The following OR56A1 variants were observed in gnomAD, a reference collection of about 807,000 sequenced individuals.
OR56A1 encodes the protein olfactory receptor family 56 subfamily A member 1, also known as olfactory receptor 56A1.
For synonymous variants in OR56A1, 174 were observed against 159.1 expected, an observed-to-expected ratio of 1.09 and a Z score of -0.70; for missense variants, 360 against 380.9, an observed-to-expected ratio of 0.94 and a Z score of 0.46.
upstream of OR56A1, among the ~76,000 whole-genome samples, chr11:6,033,258 AG>A (rs1848529561): frequency 6.6e-6 from 1 of 151,966 alleles, no homozygotes; most frequent in Non-Finnish European, 1.5e-5. Flanking sequence ...CGAGTGAGAA[AG>A]TCTGGAACAG....
rs1021841306 is a variant in OR56A1 at position 6,022,775 on chromosome 11, C to T, written c.*3973G>A. On this transcript the variant is annotated 3_prime_UTR_variant, in exon 2 of 2. Transcript: ENST00000641900. Reference sequence around the variant, plus strand: ...CATAATCTCTCTAAAACTTAGTTTTCCTGTATGTTCAGAGTGCTAATCACA... The same window carrying T: ...CATAATCTCTCTAAAACTTAGTTTTTCTGTATGTTCAGAGTGCTAATCACA... 2 of 152,070 alleles carry T rather than the reference C, an allele frequency of 1.3e-5. No homozygotes were observed. The highest frequency in any genetic ancestry group is 2.9e-5 in the Non-Finnish European group (2 of 67,988). The allele number at this position is 152,070 out of a possible 1,614,324, so 9.4% of individuals were successfully genotyped here.
At chr11:6,034,177 C>G (rs765927363), upstream of OR56A1, 2 of 152,218 alleles carry the variant, frequency 1.3e-5, no homozygotes, top group Admixed American at 6.5e-5. Flanking sequence ...CTTCCCACCT[C>G]TCTGCCTATA....
Position 6,021,431 on chromosome 11 carries a change from T to C in OR56A1, c.*5317A>G, listed in dbSNP as rs1170155044. 1 of 152,052 alleles carries C rather than the reference T, an allele frequency of 6.6e-6. No individual in the cohort carries two copies. Among genetic ancestry groups the C allele is most frequent in the Non-Finnish European group, 1.5e-5 (1 of 67,958 alleles). The allele number at this position is 152,052 out of a possible 1,614,324, so 9.4% of individuals were successfully genotyped here. A position where few individuals can be genotyped will look rare whatever the true frequency, so the allele number is the denominator to read the frequency against. On this transcript the variant is annotated 3_prime_UTR_variant, in exon 2 of 2. Coordinates refer to ENST00000641900, the MANE Select transcript of OR56A1 (RefSeq NM_001388488.1). ...ACCCAACACAAAGTAATGATAAATG[T>C]TTGAGATGATGGATATGCTAATTAC...
In OR56A1 at chr11:6,021,518, A is replaced by G. The variant is rs947746381; in HGVS notation, c.*5230T>C. 12 of 152,070 alleles carry G rather than the reference A, an allele frequency of 7.9e-5. No homozygotes were observed. Among genetic ancestry groups the G allele is most frequent in the Admixed American group, 7.9e-4 (12 of 15,254 alleles). 9.4% of individuals were successfully genotyped at this position (152,070 alleles called of 1,614,324 possible). ...AAATATGTATAATTATTATGTATCA[A>G]TTTTAAAATGAATAATTAAATAAAA... On this transcript the variant is annotated 3_prime_UTR_variant, in exon 2 of 2. Coordinates refer to ENST00000641900, the MANE Select transcript of OR56A1 (RefSeq NM_001388488.1).
chr11:6,026,818 G>C lies in OR56A1; in HGVS notation c.875C>G (p.Pro292Arg). Residue 292 changes from proline (P) to arginine (R), a missense_variant, in exon 2 of 2, where the codon CCT (proline) becomes CGT (arginine). Physicochemically the swap from Pro to Arg is moderately radical, Grantham distance 103. Coordinates refer to ENST00000641900, the MANE Select transcript of OR56A1 (RefSeq NM_001388488.1). ...LHHLIPPALN[P>R]IVYGVRTKEI... ...TTTGGTCCGAACCCCATACACAATAGGGTTCAATGCAGGAGGAATAAGGTG... is the reference window on the plus strand; with the variant it reads ...TTTGGTCCGAACCCCATACACAATACGGTTCAATGCAGGAGGAATAAGGTG... 1.2e-6 allele frequency: 2 copies of C among 1,614,092 alleles called. No individual in the cohort carries two copies. The highest frequency in any genetic ancestry group is 1.7e-6 in the Non-Finnish European group (2 of 1,179,938).
chr11:6,026,544 A>G lies in OR56A1; in HGVS notation c.*204T>C. The G allele has an allele frequency of 1.9e-6, 1 of 523,688 alleles. No individual in the cohort carries two copies. The highest frequency in any genetic ancestry group is 3.3e-6 in the Non-Finnish European group (1 of 299,570). The allele number at this position is 523,688 out of a possible 1,614,324, so 32.4% of individuals were successfully genotyped here. Reference sequence around the variant, plus strand: ...AAATGTAACTGCCAAGGTTCAAAGCAGCCACTCAATAAATACGAGTTTCTT... The same window carrying G: ...AAATGTAACTGCCAAGGTTCAAAGCGGCCACTCAATAAATACGAGTTTCTT... On this transcript the variant is annotated 3_prime_UTR_variant, in exon 2 of 2. Coordinates refer to ENST00000641900, the MANE Select transcript of OR56A1 (RefSeq NM_001388488.1).
In OR56A1 at chr11:6,023,191, A is replaced by G. The variant is rs560830085; in HGVS notation, c.*3557T>C. On this transcript the variant is annotated 3_prime_UTR_variant, in exon 2 of 2. Coordinates refer to ENST00000641900, the MANE Select transcript of OR56A1 (RefSeq NM_001388488.1). ...AAGGGGCAATGTTGACTTGCCAACTATGAAGAGTTTGCTTAACTTCAGACG... is the reference window on the plus strand; with the variant it reads ...AAGGGGCAATGTTGACTTGCCAACTGTGAAGAGTTTGCTTAACTTCAGACG... The G allele has an allele frequency of 6.6e-6, 1 of 152,314 alleles. No individual in the cohort carries two copies. Among genetic ancestry groups the G allele is most frequent in the East Asian group, 1.9e-4 (1 of 5,180 alleles). The allele number at this position is 152,314 out of a possible 1,614,324, so 9.4% of individuals were successfully genotyped here. A position where few individuals can be genotyped will look rare whatever the true frequency, so the allele number is the denominator to read the frequency against.
rs146178966 is a variant in OR56A1 at position 6,026,654 on chromosome 11, A to T, written c.*94T>A. On this transcript the variant is annotated 3_prime_UTR_variant, in exon 2 of 2. Coordinates refer to ENST00000641900, the MANE Select transcript of OR56A1 (RefSeq NM_001388488.1). ...TAATGAAGGGAGCCTCAGTGCATGC[A>T]ATAAACACTCACTAACTGACATTTC... 76 of 776,784 alleles carry T rather than the reference A, an allele frequency of 9.8e-5. 1 individual carries two copies. The African/African-American group carries it at 1.1e-3, about 11-fold the overall frequency. 48.1% of individuals were successfully genotyped at this position (776,784 alleles called of 1,614,324 possible).
chr11:6,027,816 G>T (rs1298796306), intron 1 of OR56A1, 90 bp from the exon 2 acceptor site: 1 of 816,372 alleles, frequency 1.2e-6, no homozygotes, highest in Non-Finnish European at 1.9e-6. Context: ...CCAATGATAG[G>T]TAGTTCACTT....
upstream of OR56A1, among the ~76,000 whole-genome samples, chr11:6,032,981 G>C (rs1020958698): frequency 2.0e-5 from 3 of 152,086 alleles, no homozygotes; most frequent in East Asian, 5.8e-4. Context: ...CCATCCCTGA[G>C]GTACATCCCC....
At position 6,026,953 on chromosome 11, in the gene OR56A1, T is replaced by C; in HGVS notation, c.740A>G (p.His247Arg). The part of the protein sequence containing the change: ...AVKALSTCGS[H>R]FILILFFSTI... ...GCTGAAGAAAAGAATGAGGATGAAG[T>C]GGGAGCCACATGTGCTCAGGGCCTT... is the stretch of plus-strand genomic sequence containing the variant. The change falls in exon 2 of 2, where the codon CAC (histidine) becomes CGC (arginine). Residue 247 changes from histidine to arginine, a missense_variant. Transcript: ENST00000641900. 6.2e-7 allele frequency: 1 copy of C among 1,614,122 alleles called. No individual in the cohort carries two copies. Among genetic ancestry groups the C allele is most frequent in the Non-Finnish European group, 8.5e-7 (1 of 1,179,990 alleles).
In OR56A1 at chr11:6,027,100, T is replaced by C. The variant is rs1318043150; in HGVS notation, c.593A>G (p.Asn198Ser). Residue 198 changes from asparagine (N) to serine (S), a missense_variant, in exon 2 of 2, where the codon AAC becomes AGC. Physicochemically the swap from Asn to Ser is conservative, Grantham distance 46. Transcript: ENST00000641900. ...ACCAGCCACAAATTGGTAGATTCTG[T>C]TAAGGGTGAAATTATCACAGGAGAG... ...SRLSCDNFTL[N>S]RIYQFVAGWT... The C allele has an allele frequency of 2.5e-6, 4 of 1,614,058 alleles. No individual in the cohort carries two copies. The African/African-American group carries it at 5.3e-5, about 22-fold the overall frequency.
At position 6,026,698 on chromosome 11, in the gene OR56A1, T is replaced by TA. The variant is rs1329018560; in HGVS notation, c.*49dup. The TA allele has an allele frequency of 1.7e-6, 2 of 1,195,944 alleles. No individual in the cohort carries two copies. The highest frequency in any genetic ancestry group is 1.4e-5 in the South Asian group (1 of 70,144). 74.1% of individuals were successfully genotyped at this position (1,195,944 alleles called of 1,614,324 possible). On this transcript the variant is annotated 3_prime_UTR_variant, in exon 2 of 2. Transcript: ENST00000641900. ...ACATTTCTCTACTTCGCTGCCTAGG[T>TA]AAAATCACTGAAGAGGAAGAACAGG...
chr11:6,026,806 C>T lies in OR56A1; in HGVS notation c.887G>A (p.Gly296Glu). The T allele has an allele frequency of 1.2e-6, 2 of 1,613,896 alleles. No homozygotes were observed. Among genetic ancestry groups the T allele is most frequent in the Non-Finnish European group, 1.7e-6 (2 of 1,179,846 alleles). The change falls in exon 2 of 2, where the codon GGG (glycine) becomes GAG (glutamate). Residue 296 changes from glycine (G) to glutamate (E), a missense_variant. Physicochemically the swap from Gly to Glu is moderately conservative, Grantham distance 98. Transcript: ENST00000641900. ...IPPALNPIVY[G>E]VRTKEIKQGI... The stretch of plus-strand genomic sequence containing the variant: ...CTGTTTTATCTCTTTGGTCCGAACC[C>T]CATACACAATAGGGTTCAATGCAGG...
rs1357170140 is a variant in OR56A1, at chr11:6,022,883, A to G, written c.*3865T>C. 2.0e-5 allele frequency: 3 copies of G among 152,228 alleles called. No individual in the cohort carries two copies. In the East Asian group the frequency reaches 5.8e-4, roughly 29 times the overall value. 9.4% of individuals were successfully genotyped at this position (152,228 alleles called of 1,614,324 possible). Reference sequence around the variant, plus strand: ...ATACAGTACTCAGCCAAATGCTGATAGTGTAATATGTTATGAAACACTAAG... The same window carrying G: ...ATACAGTACTCAGCCAAATGCTGATGGTGTAATATGTTATGAAACACTAAG... On this transcript the variant is annotated 3_prime_UTR_variant, in exon 2 of 2. Coordinates refer to ENST00000641900, the MANE Select transcript of OR56A1 (RefSeq NM_001388488.1).
chr11:6,028,757 C>G (rs951027359), intron 1 of OR56A1, among the ~76,000 whole-genome samples: 1 of 152,026 alleles, frequency 6.6e-6, no homozygotes, highest in Non-Finnish European at 1.5e-5. Context: ...AATAGAACTA[C>G]CCTTACATCC....
chr11:6,025,200 A>T lies in OR56A1; in HGVS notation c.*1548T>A, dbSNP rs1848435016. 6.6e-6 allele frequency: 1 copy of T among 152,236 alleles called. No homozygotes were observed. Among genetic ancestry groups the T allele is most frequent in the Non-Finnish European group, 1.5e-5 (1 of 68,084 alleles). The allele number at this position is 152,236 out of a possible 1,614,324, so 9.4% of individuals were successfully genotyped here. ...ACAGTGCACTGCAGGGTGATGTTAT[A>T]GGTGCTCCTCAGTAGTCACAAGCTT... On this transcript the variant is annotated 3_prime_UTR_variant, in exon 2 of 2. Coordinates refer to ENST00000641900, the MANE Select transcript of OR56A1 (RefSeq NM_001388488.1).
Position 6,027,702 on chromosome 11 carries a change from C to T in OR56A1, c.-10G>A. ...TGCTGGGTGACGCCATAGGCTGAAT[C>T]ATGAGCTGAGTAGGCTTCTGATGAC... On this transcript the variant is annotated 5_prime_UTR_variant, in exon 2 of 2. The change abolishes an upstream ATG in the 5' untranslated region. Transcript: ENST00000641900. 1 of 1,568,550 alleles carries T rather than the reference C, an allele frequency of 6.4e-7. No individual in the cohort carries two copies. The highest frequency in any genetic ancestry group is 2.2e-5 in the East Asian group (1 of 44,608).
Position 6,019,984 on chromosome 11 carries a change from A to G in OR56A1, c.*6764T>C, listed in dbSNP as rs1477901579. The stretch of plus-strand genomic sequence containing the variant: ...TCAACCTCTTTCTTAAATAGGACAC[A>G]GTCTTAATTCTATTATAAGCATCCT... On this transcript the variant is annotated 3_prime_UTR_variant, in exon 2 of 2. Coordinates refer to ENST00000641900, the MANE Select transcript of OR56A1 (RefSeq NM_001388488.1). 1 of 152,134 alleles carries G rather than the reference A, an allele frequency of 6.6e-6. No homozygotes were observed. Among genetic ancestry groups the G allele is most frequent in the Non-Finnish European group, 1.5e-5 (1 of 67,996 alleles). 9.4% of individuals were successfully genotyped at this position (152,134 alleles called of 1,614,324 possible).
Sources: allele counts gnomAD v4.1 joint callset (sites outside exome capture counted in the v4.1 genomes callset), GRCh38; gene constraint gnomAD v4.1.1; transcripts MANE v1.5; gene names NCBI Gene and HGNC (gene_info 2026-07-23, HGNC 2026-07-21).